ARPP21: variants seen among roughly 807,000 people sequenced by gnomAD.
ARPP21 encodes the protein cAMP regulated phosphoprotein 21, also known as cAMP-regulated phosphoprotein 21.
A neutral mutation model predicts 113.2 loss-of-function variants in ARPP21; 69 were observed. The ratio of observed to expected loss-of-function variants is 0.61; its 90% CI spans 0.50 to 0.74. The LOEUF is 0.74. Among genes scored for constraint, ARPP21 ranks in the 30% least tolerant of loss-of-function variants. ARPP21 has a pLI of 0.00. For missense variants in ARPP21, 1,070 were observed against 1,037.4 expected (o/e 1.03, Z -0.43); for synonymous variants, 368 against 375.5 (o/e 0.98, Z 0.23).
chr3:35,698,201 C>A (rs541458350), intron 9 of ARPP21, among the ~76,000 whole-genome samples: 1 of 151,722 alleles, frequency 6.6e-6, no homozygotes, highest in South Asian at 2.1e-4. Flanking sequence ...TGGTCAAACT[C>A]CATGTCATTT....
chr3:35,788,512 A>G (rs1211151800), intron 19 of ARPP21, among the ~76,000 whole-genome samples: 2 of 152,164 alleles, frequency 1.3e-5, no homozygotes, highest in African/African-American at 4.8e-5. Context: ...TTCTGAAGAA[A>G]TGTGCTTGGT....
At chr3:35,722,532 CTG>C (rs2093188347) in intron 14 of ARPP21, among the ~76,000 whole-genome samples, 1 of 152,168 alleles carries the variant, frequency 6.6e-6, no homozygotes, top group Admixed American at 6.5e-5. Flanking sequence ...ATTTTTATTA[CTG>C]CCATTTAATG....
At chr3:35,762,444 A>C (rs74601350) in intron 19 of ARPP21, among the ~76,000 whole-genome samples, 2 of 152,056 alleles carry the variant, frequency 1.3e-5, no homozygotes, top group Admixed American at 6.6e-5. Flanking sequence ...GTGTGATACT[A>C]TTCAGGGTAC....
chr3:35,760,761 A>G (rs138341770), intron 19 of ARPP21, among the ~76,000 whole-genome samples: 1 of 152,072 alleles, frequency 6.6e-6, no homozygotes, highest in African/African-American at 2.4e-5. Flanking sequence ...TAAATTTGCC[A>G]TGGGAAAAAG....
chr3:35,752,197 A>T (rs1382135853), intron 19 of ARPP21, among the ~76,000 whole-genome samples: 1 of 152,014 alleles, frequency 6.6e-6, no homozygotes, highest in Non-Finnish European at 1.5e-5. Context: ...AGGTCAGGGA[A>T]TGTATATCCT....
At chr3:35,705,732 T>A (rs1458056273) in intron 9 of ARPP21, among the ~76,000 whole-genome samples, 2 of 152,130 alleles carry the variant, frequency 1.3e-5, no homozygotes, top group Non-Finnish European at 2.9e-5. Flanking sequence ...CACCAAACTT[T>A]TATTGTAAGG....
At chr3:35,667,611 A>G (rs1053415867) in intron 1 of ARPP21, among the ~76,000 whole-genome samples, 3 of 152,054 alleles carry the variant, frequency 2.0e-5, no homozygotes, top group African/African-American at 7.2e-5. Context: ...AGCTTCAATC[A>G]CTTCTTAATA....
intron 1 of ARPP21, among the ~76,000 whole-genome samples, chr3:35,675,303 T>C (rs898390147): frequency 1.3e-5 from 2 of 151,862 alleles, no homozygotes; most frequent in Non-Finnish European, 2.9e-5. Context: ...TTAAAAATCT[T>C]TGGACTGGTC....
chr3:35,759,855 A>C (rs1019439291), intron 19 of ARPP21, among the ~76,000 whole-genome samples: 4 of 152,054 alleles, frequency 2.6e-5, no homozygotes, highest in African/African-American at 9.7e-5. Flanking sequence ...GAATTAAAGA[A>C]AAATATTAAG....
chr3:35,677,197 A>G (rs2077721504), intron 1 of ARPP21, among the ~76,000 whole-genome samples: 1 of 151,946 alleles, frequency 6.6e-6, no homozygotes, highest in South Asian at 2.1e-4. Flanking sequence ...TCATCGGTGA[A>G]CTAAATTATT....
intron 14 of ARPP21, among the ~76,000 whole-genome samples, chr3:35,728,332 C>T (rs1431488532): frequency 3.3e-5 from 5 of 149,476 alleles, no homozygotes; most frequent in Admixed American, 6.7e-5. Context: ...GATTCTCCTG[C>T]GTCAGCCTCC....
At chr3:35,779,211 A>G (rs2096464411) in intron 19 of ARPP21, among the ~76,000 whole-genome samples, 1 of 152,162 alleles carries the variant, frequency 6.6e-6, no homozygotes, top group African/African-American at 2.4e-5. Context: ...GGTTCCTAGT[A>G]ATGACACAAT....
In ARPP21 at chr3:35,729,429, A is replaced by T; in HGVS notation, c.1352A>T (p.Asn451Ile). ...CCAGGCTGTGTGCCTTATCCAGAGA[A>T]TGGAATAGGGGGCCAGGTTGCTCCC... ...GSPGCVPYPE[N>I]GIGGQVAPSS... The change falls in exon 15 of 21, where the codon AAT (asparagine) becomes ATT (isoleucine). Residue 451 changes from asparagine to isoleucine, a missense_variant. Coordinates refer to ENST00000684406, the MANE Select transcript of ARPP21 (RefSeq NM_001385562.1). 1 of 1,614,122 alleles carries T rather than the reference A, an allele frequency of 6.2e-7. No individual in the cohort carries two copies.
intron 1 of ARPP21, among the ~76,000 whole-genome samples, chr3:35,667,989 A>G (rs1216914353): frequency 4.7e-5 from 7 of 148,416 alleles, no homozygotes; most frequent in African/African-American, 1.5e-4. Flanking sequence ...AAGAAGAAGA[A>G]GAAGAAGAAG....
At chr3:35,710,319 C>T (rs1184199120) in intron 11 of ARPP21, among the ~76,000 whole-genome samples, 3 of 151,968 alleles carry the variant, frequency 2.0e-5, no homozygotes, top group Non-Finnish European at 2.9e-5. Flanking sequence ...TTAGATAATG[C>T]AAAATACAGC....
At chr3:35,643,873 G>A (rs534019750) in intron 1 of ARPP21, 1 of 152,086 alleles carries the variant, frequency 6.6e-6, no homozygotes, top group South Asian at 2.1e-4. Context: ...AGCCTATTTA[G>A]AAATTTGTGA....
intron 14 of ARPP21, among the ~76,000 whole-genome samples, chr3:35,728,152 T>G (rs2093670273): frequency 7.7e-6 from 1 of 129,590 alleles, no homozygotes. Flanking sequence ...ATATATTACA[T>G]TAATAATAAT....
intron 15 of ARPP21, among the ~76,000 whole-genome samples, chr3:35,733,531 C>T (rs1234982593): frequency 6.6e-6 from 1 of 152,196 alleles, no homozygotes; most frequent in African/African-American, 2.4e-5. Context: ...AGGCCGAGGG[C>T]CAGCCAGTCC....
chr3:35,791,410 T>C (rs920414184), intron 19 of ARPP21, among the ~76,000 whole-genome samples: 6 of 152,188 alleles, frequency 3.9e-5, no homozygotes, highest in Non-Finnish European at 7.3e-5. Context: ...GTTAATAATA[T>C]GAGCTCTGGA....
Sources: gnomAD v4.1 joint callset for allele counts (sites outside exome capture counted in the v4.1 genomes callset) on GRCh38, gnomAD v4.1.1 for gene constraint, MANE v1.5 for transcripts, NCBI Gene and HGNC (gene_info 2026-07-23, HGNC 2026-07-21) for gene names.